The following PTPRM variants were observed in gnomAD, a reference collection of about 807,000 sequenced individuals.
PTPRM encodes the protein protein tyrosine phosphatase receptor type M.
In PTPRM, 47 loss-of-function variants were observed where a neutral mutation model predicts 186.7. That is an observed-to-expected ratio of 0.25 (90% CI 0.20 to 0.32). PTPRM has a LOEUF of 0.32. Among genes scored for constraint, PTPRM ranks in the 10% least tolerant of loss-of-function variants. PTPRM has a pLI of 1.00. For missense variants in PTPRM, 1,494 were observed against 1,865.0 expected (o/e 0.80, Z 3.66); for synonymous variants, 668 against 674.9 (o/e 0.99, Z 0.16).
chr18:8,272,131 G>A (rs1378493058), intron 19 of PTPRM, among the ~76,000 whole-genome samples: 1 of 151,524 alleles, frequency 6.6e-6, no homozygotes, highest in Non-Finnish European at 1.5e-5. Flanking sequence ...CTTGAACCTG[G>A]GAGGTGGAGG....
intron 1 of PTPRM, among the ~76,000 whole-genome samples, chr18:7,688,567 C>T (rs1198927383): frequency 6.6e-6 from 1 of 152,126 alleles, no homozygotes; most frequent in East Asian, 1.9e-4. Flanking sequence ...AGATGATGGC[C>T]TTCAGGAGTA....
chr18:8,260,217 G>A (rs974024744), intron 19 of PTPRM, among the ~76,000 whole-genome samples: 1 of 152,090 alleles, frequency 6.6e-6, no homozygotes, highest in African/African-American at 2.4e-5. Flanking sequence ...AGGCTGGAGT[G>A]TAGTGGTGTA....
At chr18:7,850,694 G>T (rs1248763746) in intron 2 of PTPRM, among the ~76,000 whole-genome samples, 6 of 152,198 alleles carry the variant, frequency 3.9e-5, no homozygotes. Flanking sequence ...GATCATGCAA[G>T]CACTAGAAAG....
chr18:7,685,926 G>C (rs1474390197), intron 1 of PTPRM, among the ~76,000 whole-genome samples: 1 of 152,130 alleles, frequency 6.6e-6, no homozygotes, highest in Non-Finnish European at 1.5e-5. Context: ...TTGGACTGCA[G>C]TTCACTTAAA....
chr18:7,589,885 A>G (rs938330752), intron 1 of PTPRM, among the ~76,000 whole-genome samples: 84 of 152,312 alleles, frequency 5.5e-4, no homozygotes, highest in African/African-American at 1.9e-3. Context: ...CAGGAAGCAG[A>G]ACTTTGAGAG....
intron 1 of PTPRM, among the ~76,000 whole-genome samples, chr18:7,719,621 T>C (rs1337766310): frequency 1.3e-5 from 2 of 152,174 alleles, no homozygotes; most frequent in Non-Finnish European, 2.9e-5. Context: ...ATAAAACATT[T>C]AGACTACAGA....
chr18:7,736,334 T>C (rs1351388893), intron 1 of PTPRM, among the ~76,000 whole-genome samples: 1 of 152,158 alleles, frequency 6.6e-6, no homozygotes, highest in African/African-American at 2.4e-5. Flanking sequence ...TTTTAATTTT[T>C]TTTGAGATGG....
At chr18:7,758,117 C>G (rs1286607157) in intron 1 of PTPRM, among the ~76,000 whole-genome samples, 4 of 152,084 alleles carry the variant, frequency 2.6e-5, no homozygotes, top group Admixed American at 6.5e-5. Flanking sequence ...GTAATTTATC[C>G]CAGTGATTCT....
At chr18:8,196,325 T>G (rs927750586) in intron 14 of PTPRM, among the ~76,000 whole-genome samples, 2 of 152,214 alleles carry the variant, frequency 1.3e-5, no homozygotes, top group Non-Finnish European at 2.9e-5. Flanking sequence ...GATGCTTGCT[T>G]TTATTTTCAG....
At chr18:8,231,330 C>T (rs80200043) in intron 14 of PTPRM, among the ~76,000 whole-genome samples, 12,661 of 152,168 alleles carry the variant, frequency 0.083, 649 homozygotes, top group Middle Eastern at 0.33. Flanking sequence ...CAGACGGGCC[C>T]ATCCATCCTG....
rs199614881 is a variant in PTPRM at position 8,319,078 on chromosome 18, G to A, written c.2920-100G>A. 18 of 772,244 alleles carry A rather than the reference G, an allele frequency of 2.3e-5. No individual in the cohort carries two copies. The East Asian group carries it at 4.9e-4, about 21-fold the overall frequency. 47.8% of individuals were successfully genotyped at this position (772,244 alleles called of 1,614,324 possible). A position where few individuals can be genotyped will look rare whatever the true frequency, so the allele number is the denominator to read the frequency against. The stretch of plus-strand genomic sequence containing the variant: ...TTAACTTTCAGGTGATGCAGCTATT[G>A]GCGTTTGTGTGCACATTCCTTTCAG... On this transcript the variant is annotated intron_variant, in intron 21 of 32. Coordinates refer to ENST00000580170, the MANE Select transcript of PTPRM (RefSeq NM_001105244.2).
intron 15 of PTPRM, 76 bp downstream of exon 15, chr18:8,244,285 A>C (rs953753795): frequency 5.7e-6 from 3 of 526,828 alleles, no homozygotes; most frequent in Non-Finnish European, 2.3e-6. Flanking sequence ...AGGGGATTTC[A>C]AAAAAAAAAA....
At chr18:7,773,127 T>C (rs1358360022) in intron 1 of PTPRM, among the ~76,000 whole-genome samples, 2 of 152,094 alleles carry the variant, frequency 1.3e-5, no homozygotes, top group Non-Finnish European at 2.9e-5. Flanking sequence ...TTTTTTTAAG[T>C]AGTTTCATTT....
chr18:7,929,764 C>T (rs1038492222), intron 5 of PTPRM, among the ~76,000 whole-genome samples: 2 of 152,186 alleles, frequency 1.3e-5, no homozygotes, highest in African/African-American at 4.8e-5. Context: ...TTCCTGCCCT[C>T]TTGCCCAGGA....
intron 2 of PTPRM, among the ~76,000 whole-genome samples, chr18:7,880,827 C>T (rs930542641): frequency 6.6e-6 from 1 of 152,096 alleles, no homozygotes; most frequent in Non-Finnish European, 1.5e-5. Context: ...GGGATGAGAT[C>T]AAAGTGTAAA....
At chr18:7,724,822 G>T (rs689014) in intron 1 of PTPRM, among the ~76,000 whole-genome samples, 96,950 of 152,110 alleles carry the variant, frequency 0.64, 32,807 homozygotes, top group East Asian at 0.99. Flanking sequence ...GACTCATAAT[G>T]TTAGTTTTAA....
At chr18:8,303,554 T>G (rs565422411) in intron 20 of PTPRM, among the ~76,000 whole-genome samples, 2 of 152,172 alleles carry the variant, frequency 1.3e-5, no homozygotes, top group Non-Finnish European at 2.9e-5. Flanking sequence ...TAAATTCAGG[T>G]GGGCACGAGC....
chr18:7,997,280 G>A (rs1354112145), intron 7 of PTPRM, among the ~76,000 whole-genome samples: 2 of 152,078 alleles, frequency 1.3e-5, no homozygotes, highest in South Asian at 2.1e-4. Context: ...AAGAGCATAC[G>A]ATAGGGAGAT....
chr18:8,306,078 G>C (rs181413838), intron 20 of PTPRM, among the ~76,000 whole-genome samples: 2 of 152,012 alleles, frequency 1.3e-5, no homozygotes, highest in Admixed American at 6.5e-5. Context: ...TGTATTTTTG[G>C]TAGAGACGGA....
Sources: allele counts gnomAD v4.1 joint callset (sites outside exome capture counted in the v4.1 genomes callset), GRCh38; gene constraint gnomAD v4.1.1; transcripts MANE v1.5; gene names NCBI Gene and HGNC (gene_info 2026-07-23, HGNC 2026-07-21).